TMPRSS5: variants seen among roughly 807,000 people sequenced by gnomAD.
TMPRSS5 encodes transmembrane serine protease 5, also known as transmembrane protease serine 5.
TMPRSS5 carries 45 observed loss-of-function variants against 59.7 expected under a neutral mutation model. The observed-to-expected ratio is 0.75, with a 90% CI of 0.59 to 0.97. The LOEUF (loss-of-function observed/expected upper bound fraction) is 0.97. Among genes scored for constraint, TMPRSS5 ranks in the 50% least tolerant of loss-of-function variants. The pLI is 0.00. For synonymous variants in TMPRSS5, 225 were observed against 232.0 expected (o/e 0.97, Z 0.27); for missense variants, 585 against 596.7 (o/e 0.98, Z 0.20).
At chr11:113,690,176 G>GGCCCCC in intron 11 of TMPRSS5, 55 bp downstream of exon 11, 8 of 388,226 alleles carry the variant, frequency 2.1e-5, no homozygotes, top group East Asian at 4.7e-5. Flanking sequence ...CAGGCCCCCT[G>GGCCCCC]CCCTCCCACC....
Position 113,694,527 on chromosome 11 carries a change from A to G in TMPRSS5, c.736T>C (p.Ser246Pro). ...ACCACCCAGCGTGGCGCTAGCACAG[A>G]GCCCCCACACGTGTGCCGGAAGCCC... Reference protein sequence around the residue: ...ALGFRHTCGGSVLAPRWVVTA... With the variant: ...ALGFRHTCGGPVLAPRWVVTA... Residue 246 changes from serine (S) to proline (P), a missense_variant, in exon 8 of 13, where the codon TCT becomes CCT. Transcript: ENST00000299882. 1 of 1,563,836 alleles carries G rather than the reference A, an allele frequency of 6.4e-7. No homozygotes were observed. Among genetic ancestry groups the G allele is most frequent in the Non-Finnish European group, 8.7e-7 (1 of 1,153,922 alleles).
At position 113,693,246 on chromosome 11, in the gene TMPRSS5, GA is replaced by G. The variant is rs1952836199; in HGVS notation, c.788del (p.Phe263SerfsTer50). 1 of 1,559,660 alleles carries G rather than the reference GA, an allele frequency of 6.4e-7. No individual in the cohort carries two copies. Among genetic ancestry groups the G allele is most frequent in the Admixed American group, 1.9e-5 (1 of 54,050 alleles). ...VVTAAHCMHS[F>X]RLARLSSWRV... ...GCCAGCTGGACAGGCGGGCCAGCCT[GA>G]AACTGCACACAGGGGCCATGCTGAG... On this transcript the variant is annotated frameshift_variant and splice_region_variant, in exon 9 of 13. Coordinates refer to ENST00000299882, the MANE Select transcript of TMPRSS5 (RefSeq NM_030770.4). LOFTEE classifies it high-confidence loss of function.
intron 11 of TMPRSS5, 114 bp downstream of exon 11, chr11:113,690,117 G>T: frequency 7.1e-7 from 1 of 1,409,176 alleles, no homozygotes; most frequent in Non-Finnish European, 9.5e-7. Context: ...TAGAGAGGCT[G>T]TCTCACACCA....
chr11:113,693,353 G>A (rs933081959), intron 8 of TMPRSS5, 104 bp from the exon 9 acceptor site: 1 of 1,313,154 alleles, frequency 7.6e-7, no homozygotes, highest in South Asian at 1.6e-5. Flanking sequence ...ATTGGTGGGG[G>A]GGCCGTCAGC....
chr11:113,693,533 C>T (rs1025414910), intron 8 of TMPRSS5: 107 of 286,420 alleles, frequency 3.7e-4, no homozygotes, highest in African/African-American at 2.1e-3. Context: ...AACTTCCCTC[C>T]AAGTTTTATA....
intron 7 of TMPRSS5, 120 bp from the exon 8 acceptor site, chr11:113,694,760 T>C: frequency 2.0e-6 from 2 of 995,830 alleles, no homozygotes; most frequent in South Asian, 3.7e-5. Flanking sequence ...CAGCTCTCCT[T>C]TCTTATTCCT....
In TMPRSS5 at chr11:113,695,426, C is replaced by A; in HGVS notation, c.596G>T (p.Gly199Val). 1.2e-6 allele frequency: 2 copies of A among 1,613,972 alleles called. No homozygotes were observed. Among genetic ancestry groups the A allele is most frequent in the Non-Finnish European group, 1.7e-6 (2 of 1,179,874 alleles). The change falls in exon 7 of 13, where the codon GGT (glycine) becomes GTT (valine). Residue 199 changes from glycine (G) to valine (V), a missense_variant. Physicochemically the swap from Gly to Val is moderately radical, Grantham distance 109. Transcript: ENST00000299882. The part of the protein sequence containing the change: ...AWQPRNNCTS[G>V]QVVSLRCSEC... ...AGAGCATCTGAGGGAAACAACTTGACCAGAAGTGCAGTTGTTCCTGCAAAA... is the reference window on the plus strand; with the variant it reads ...AGAGCATCTGAGGGAAACAACTTGAACAGAAGTGCAGTTGTTCCTGCAAAA...
chr11:113,689,676 C>G, intron 12 of TMPRSS5, 89 bp downstream of exon 12: 2 of 1,448,636 alleles, frequency 1.4e-6, no homozygotes, highest in Non-Finnish European at 1.9e-6. Flanking sequence ...CAGTCCCCAG[C>G]AGGGCCCGGG....
At chr11:113,690,618 G>A (rs1277724671) in intron 10 of TMPRSS5, among the ~76,000 whole-genome samples, 1 of 152,050 alleles carries the variant, frequency 6.6e-6, no homozygotes, top group Admixed American at 6.5e-5. Flanking sequence ...GACAAGGGGA[G>A]GGGGAGTAAA....
Position 113,688,120 on chromosome 11 carries a change from A to T in TMPRSS5, c.*140T>A. 2 of 1,336,430 alleles carry T rather than the reference A, an allele frequency of 1.5e-6. No homozygotes were observed. Among genetic ancestry groups the T allele is most frequent in the Non-Finnish European group, 1.9e-6 (2 of 1,032,730 alleles). 82.8% of individuals were successfully genotyped at this position (1,336,430 alleles called of 1,614,324 possible). ...CTGGGTGGCTGGCCAGTGGGTAGTG[A>T]CTGTTCCTCACACACAGTAGTAGGA... On this transcript the variant is annotated 3_prime_UTR_variant, in exon 13 of 13. Coordinates refer to ENST00000299882, the MANE Select transcript of TMPRSS5 (RefSeq NM_030770.4).
At chr11:113,697,232 C>T (rs2134807319) in intron 5 of TMPRSS5, 51 bp downstream of exon 5, 1 of 1,575,024 alleles carries the variant, frequency 6.3e-7, no homozygotes, top group South Asian at 1.2e-5. Flanking sequence ...ATTCCCATCC[C>T]ACACCAGCCA....
Position 113,699,260 on chromosome 11 carries a change from T to TCTCTCTCCCCCCCC in TMPRSS5, c.206-234_206-233insGGGGGGGGAGAGAG, listed in dbSNP as rs1953039814. 1.8e-3 allele frequency among the ~76,000 whole-genome samples: 64 copies of TCTCTCTCCCCCCCC among 35,954 alleles called. 1 individual carries two copies. The highest frequency in any genetic ancestry group is 4.2e-3 in the South Asian group (5 of 1,196). 23.6% of individuals were successfully genotyped at this position (35,954 alleles called of 152,430 possible). On this transcript the variant is annotated intron_variant, in intron 3 of 12. Transcript: ENST00000299882. ...CTCTCTCTCTCTCTCTCTCTCTCTC[T>TCTCTCTCCCCCCCC]CTCTCTCTCTCCCTCTCTCTCTCTC...
At position 113,697,393 on chromosome 11, in the gene TMPRSS5, G is replaced by C. The variant is rs1363178304; in HGVS notation, c.354C>G (p.Asp118Glu). 2.5e-6 allele frequency: 4 copies of C among 1,613,730 alleles called. No individual in the cohort carries two copies. Among genetic ancestry groups the C allele is most frequent in the Non-Finnish European group, 3.4e-6 (4 of 1,179,730 alleles). The change falls in exon 5 of 13, where the codon GAC becomes GAG. Residue 118 changes from aspartate (D) to glutamate (E), a missense_variant. Asp to Glu is a conservative substitution (Grantham distance 45). Coordinates refer to ENST00000299882, the MANE Select transcript of TMPRSS5 (RefSeq NM_030770.4). ...KTVSFRINSE[D>E]FLLEAQVRDQ... ...CCCTCACTTGCGCTTCCAGCAAGAAGTCTTCGCTGTTTATTCTGAAAGATA... is the reference window on the plus strand; with the variant it reads ...CCCTCACTTGCGCTTCCAGCAAGAACTCTTCGCTGTTTATTCTGAAAGATA...
Position 113,688,287 on chromosome 11 carries a change from G to C in TMPRSS5, c.1360-13C>G. ...AGAGGAGGGAGTCCTAGACCAAAAG[G>C]GAAAGGAACTGATTCACAGCATGGC... On this transcript the variant is annotated splice_polypyrimidine_tract_variant and intron_variant, in intron 12 of 12. Transcript: ENST00000299882. The C allele has an allele frequency of 6.4e-7, 1 of 1,554,432 alleles. No homozygotes were observed. The highest frequency in any genetic ancestry group is 8.8e-7 in the Non-Finnish European group (1 of 1,141,228).
intron 4 of TMPRSS5, among the ~76,000 whole-genome samples, chr11:113,698,420 C>A (rs1484687327): frequency 2.0e-5 from 3 of 152,212 alleles, no homozygotes; most frequent in African/African-American, 7.2e-5. Flanking sequence ...CAGACTCCAA[C>A]CTTATTCTAA....
intron 7 of TMPRSS5, among the ~76,000 whole-genome samples, chr11:113,695,043 T>TC (rs1051572298): frequency 2.6e-5 from 4 of 152,160 alleles, no homozygotes; most frequent in African/African-American, 9.7e-5. Flanking sequence ...CACCTGCCCT[T>TC]AGTTTCCTGA....
In TMPRSS5 at chr11:113,689,921, A is replaced by AGGG; in HGVS notation, c.1207-7_1207-5dup. The stretch of plus-strand genomic sequence containing the variant: ...CTAGGGGGCCCCCGCTATCTCCCTA[A>AGGG]GGGATCCAGGCATGGAGACACAGAG... On this transcript the variant is annotated splice_region_variant and splice_polypyrimidine_tract_variant and intron_variant, in intron 11 of 12. Coordinates refer to ENST00000299882, the MANE Select transcript of TMPRSS5 (RefSeq NM_030770.4). The AGGG allele has an allele frequency of 6.5e-7, 1 of 1,546,768 alleles. No homozygotes were observed. Among genetic ancestry groups the AGGG allele is most frequent in the East Asian group, 2.4e-5 (1 of 41,268 alleles).
chr11:113,693,021 C>CCCCAAA, intron 9 of TMPRSS5, 50 bp downstream of exon 9: 1 of 1,483,276 alleles, frequency 6.7e-7, no homozygotes, highest in Non-Finnish European at 9.2e-7. Context: ...CAGCCCCCGC[C>CCCCAAA]CTCTCTCGCC....
rs1300839362 is a variant in TMPRSS5, at chr11:113,706,206, A to G, written c.3+16T>C. ...AGAGAGGCCACAGCAGGGATGGCAC[A>G]GAGACGTAACCTTACCATAGGGGTC... On this transcript the variant is annotated intron_variant, in intron 1 of 12. Coordinates refer to ENST00000299882, the MANE Select transcript of TMPRSS5 (RefSeq NM_030770.4). The G allele has an allele frequency of 3.8e-6, 6 of 1,598,808 alleles. No individual in the cohort carries two copies. In the South Asian group the frequency reaches 6.8e-5, roughly 18 times the overall value.
Sources: gnomAD v4.1 joint callset for allele counts (sites outside exome capture counted in the v4.1 genomes callset) on GRCh38, gnomAD v4.1.1 for gene constraint, MANE v1.5 for transcripts, NCBI Gene and HGNC (gene_info 2026-07-23, HGNC 2026-07-21) for gene names.